TMEM266: variants seen among roughly 807,000 people sequenced by gnomAD.
TMEM266 encodes the protein transmembrane protein 266, also known as Hv1 related protein 1.
In TMEM266, 33 loss-of-function variants were observed where a neutral mutation model predicts 50.5. That is an observed-to-expected ratio of 0.65 (90% CI 0.50 to 0.87). TMEM266 has a LOEUF of 0.87. Ranked by LOEUF, TMEM266 falls within the 40% of genes least tolerant of loss-of-function variation. TMEM266 has a pLI of 0.00. For missense variants in TMEM266, 655 were observed against 695.1 expected (o/e 0.94, Z 0.65); for synonymous variants, 310 against 292.3 (o/e 1.06, Z -0.62).
At chr15:76,197,710 A>T (rs1178029871) in intron 9 of TMEM266, among the ~76,000 whole-genome samples, 1 of 152,212 alleles carries the variant, frequency 6.6e-6, no homozygotes. Context: ...CCAAACCAGG[A>T]ATCAGAGCCT....
chr15:76,101,274 C>T (rs969629496), intron 1 of TMEM266, among the ~76,000 whole-genome samples: 1 of 152,186 alleles, frequency 6.6e-6, no homozygotes, highest in Non-Finnish European at 1.5e-5. Flanking sequence ...ATGACAACTA[C>T]AGTAGTCTTC....
intron 8 of TMEM266, chr15:76,181,107 C>T (rs963422009): frequency 6.6e-6 from 1 of 152,184 alleles, no homozygotes; most frequent in African/African-American, 2.4e-5. Flanking sequence ...GATGAAAGGT[C>T]CCTGGGGAGG....
intron 3 of TMEM266, among the ~76,000 whole-genome samples, chr15:76,142,387 G>A (rs994082413): frequency 7.2e-5 from 11 of 152,142 alleles, no homozygotes; most frequent in African/African-American, 1.2e-4. Flanking sequence ...GCGAGACTCC[G>A]TCTCAAAATA....
chr15:76,126,673 A>T (rs1006194074), intron 1 of TMEM266, among the ~76,000 whole-genome samples: 1 of 151,548 alleles, frequency 6.6e-6, no homozygotes, highest in Non-Finnish European at 1.5e-5. Context: ...CTGGGATTAC[A>T]GGCGCCCACC....
chr15:76,155,008 T>G (rs1233186167), intron 3 of TMEM266, among the ~76,000 whole-genome samples: 2 of 152,240 alleles, frequency 1.3e-5, no homozygotes, highest in African/African-American at 2.4e-5. Context: ...ATCGTCGTCA[T>G]CATCACCAAT....
At chr15:76,180,575 T>G (rs2038383301) in intron 8 of TMEM266, among the ~76,000 whole-genome samples, 1 of 144,482 alleles carries the variant, frequency 6.9e-6, no homozygotes. Context: ...GTGTCTCCAC[T>G]GCACAGTTAC....
Position 76,139,372 on chromosome 15 carries a change from G to A in TMEM266, c.227+1477G>A, listed in dbSNP as rs2037641339. 6.6e-6 allele frequency among the ~76,000 whole-genome samples: 1 copy of A among 152,222 alleles called. No homozygotes were observed. Among genetic ancestry groups the A allele is most frequent in the Non-Finnish European group, 1.5e-5 (1 of 68,034 alleles). The stretch of plus-strand genomic sequence containing the variant: ...ACAAAAAAGGATAGGCAAGCAGGTC[G>A]GAGGCAGCTAAGGGACACCTGCAGT... On this transcript the variant is annotated intron_variant, in intron 3 of 10. Transcript: ENST00000388942. This position sits in a 1 kb window ranked among gnomAD's most constrained non-coding sequence, Gnocchi z 4.1.
intron 3 of TMEM266, among the ~76,000 whole-genome samples, chr15:76,147,956 G>A (rs896331627): frequency 6.6e-6 from 1 of 152,220 alleles, no homozygotes. Context: ...GCAACAGAGT[G>A]AGACCCTGTA....
chr15:76,120,968 T>G (rs1232810831), intron 1 of TMEM266, among the ~76,000 whole-genome samples: 2 of 152,028 alleles, frequency 1.3e-5, no homozygotes, highest in Admixed American at 6.6e-5. Flanking sequence ...TGTGTATATA[T>G]CTGAAAAAGG....
chr15:76,103,038 T>A, intron 1 of TMEM266, among the ~76,000 whole-genome samples: 1 of 151,830 alleles, frequency 6.6e-6, no homozygotes, highest in Non-Finnish European at 1.5e-5. Context: ...TTCTGCTATG[T>A]GGAGGACAGG....
At chr15:76,182,507 G>C (rs1443165180) in intron 8 of TMEM266, among the ~76,000 whole-genome samples, 2 of 152,006 alleles carry the variant, frequency 1.3e-5, no homozygotes, top group African/African-American at 4.8e-5. Context: ...AGCCCGGTGT[G>C]GTGGCGGGTG....
chr15:76,112,045 A>T (rs1259453546), intron 1 of TMEM266: 2 of 152,258 alleles, frequency 1.3e-5, no homozygotes, highest in Admixed American at 1.3e-4. Flanking sequence ...AGAAGGCTGC[A>T]TACTGTATGA....
chr15:76,183,173 T>A (rs1377325090), intron 8 of TMEM266, among the ~76,000 whole-genome samples: 1 of 128,096 alleles, frequency 7.8e-6, no homozygotes, highest in Non-Finnish European at 1.6e-5. Flanking sequence ...TGGAGTGCAG[T>A]GACATGATCT....
Position 76,106,726 on chromosome 15 carries a change from G to A in TMEM266, c.-96-27442G>A, listed in dbSNP as rs532048978. Among the ~76,000 whole-genome samples, 11 of 152,290 alleles carry A rather than the reference G, an allele frequency of 7.2e-5. No homozygotes were observed. In the East Asian group the frequency reaches 7.7e-4, roughly 11 times the overall value. Reference sequence around the variant, plus strand: ...TTCCCAAAGTGCTGGGATTACAGGCGTGAGCCACCATGACCAGCCTACAAC... The same window carrying A: ...TTCCCAAAGTGCTGGGATTACAGGCATGAGCCACCATGACCAGCCTACAAC... On this transcript the variant is annotated intron_variant, in intron 1 of 10. Transcript: ENST00000388942.
chr15:76,099,260 G>A (rs573932257), intron 1 of TMEM266, among the ~76,000 whole-genome samples: 3 of 152,322 alleles, frequency 2.0e-5, no homozygotes, highest in Non-Finnish European at 4.4e-5. Flanking sequence ...GAAGACAGTG[G>A]GACAAGTGCA....
intron 5 of TMEM266, among the ~76,000 whole-genome samples, chr15:76,167,467 CAA>C (rs552656577): frequency 2.9e-3 from 296 of 101,176 alleles, no homozygotes; most frequent in African/African-American, 9.6e-3. Context: ...GAGACTGTTT[CAA>C]AAAAAAAAAA....
intron 1 of TMEM266, among the ~76,000 whole-genome samples, chr15:76,069,207 G>A (rs1363673345): frequency 1.3e-5 from 2 of 152,178 alleles, no homozygotes; most frequent in Admixed American, 6.5e-5. Flanking sequence ...TCTGCCTCTG[G>A]AAATTGTAAG....
chr15:76,137,605 TC>T, intron 2 of TMEM266, 101 bp from the exon 3 acceptor site: 2 of 1,213,982 alleles, frequency 1.6e-6, no homozygotes, highest in Non-Finnish European at 2.4e-6. Flanking sequence ...TCCTCAGCCC[TC>T]CACTGGCATA....
chr15:76,123,278 A>G (rs1339744088), intron 1 of TMEM266, among the ~76,000 whole-genome samples: 1 of 152,240 alleles, frequency 6.6e-6, no homozygotes, highest in Non-Finnish European at 1.5e-5. Flanking sequence ...GGTAACAACA[A>G]GGAGGACCAG....
Sources: gnomAD v4.1 joint callset for allele counts (sites outside exome capture counted in the v4.1 genomes callset) on GRCh38, gnomAD v4.1.1 for gene constraint, Gnocchi (gnomAD v3.1) non-coding constraint, MANE v1.5 for transcripts, NCBI Gene and HGNC (gene_info 2026-07-23, HGNC 2026-07-21) for gene names.